CES4A: variants seen among roughly 807,000 people sequenced by gnomAD.
CES4A encodes the protein carboxylesterase 4A.
CES4A carries 48 observed loss-of-function variants against 65.4 expected under a neutral mutation model. The ratio of observed to expected loss-of-function variants is 0.73; its 90% CI spans 0.58 to 0.93. CES4A has a LOEUF of 0.93. Ranked by LOEUF, CES4A falls within the 40% of genes least tolerant of loss-of-function variation. CES4A has a pLI of 0.00. For missense variants in CES4A, 685 were observed against 728.5 expected, an observed-to-expected ratio of 0.94 and a Z score of 0.69; for synonymous variants, 247 against 281.8, an observed-to-expected ratio of 0.88 and a Z score of 1.24.
intron 1 of CES4A, among the ~76,000 whole-genome samples, chr16:66,994,214 A>ATTTT (rs1190514372): frequency 2.3e-5 from 3 of 132,202 alleles, no homozygotes; most frequent in South Asian, 2.3e-4. Context: ...ATAGACATAA[A>ATTTT]TTTTTATTTA....
chr16:66,998,257 C>T (rs550112653), intron 2 of CES4A, among the ~76,000 whole-genome samples: 40 of 152,068 alleles, frequency 2.6e-4, no homozygotes, highest in Admixed American at 5.2e-4. Context: ...ATCAGGAGCA[C>T]GGGGTGTTAC....
At position 67,000,208 on chromosome 16, in the gene CES4A, G is replaced by A. The variant is rs1478588742; in HGVS notation, c.261-430G>A. Among the ~76,000 whole-genome samples, 4 of 152,188 alleles carry A rather than the reference G, an allele frequency of 2.6e-5. No homozygotes were observed. Among genetic ancestry groups the A allele is most frequent in the Non-Finnish European group, 4.4e-5 (3 of 68,036 alleles). On this transcript the variant is annotated intron_variant, in intron 2 of 13. Coordinates refer to ENST00000648724, the Ensembl canonical transcript of CES4A. This position sits in a 1 kb window ranked among gnomAD's most constrained non-coding sequence, Gnocchi z 4.2. Reference sequence around the variant, plus strand: ...GGAGTAGGAGGAGTGTGAAGAGGCTGGGGTACTGTCCAGACCAGAGACGGT... The same window carrying A: ...GGAGTAGGAGGAGTGTGAAGAGGCTAGGGTACTGTCCAGACCAGAGACGGT...
At chr16:67,004,702 G>A in intron 9 of CES4A, 91 bp from the exon 10 acceptor site, 1 of 996,544 alleles carries the variant, frequency 1.0e-6, no homozygotes, top group Non-Finnish European at 1.5e-6. Context: ...ATCATTAGAT[G>A]GGCAAGACCT....
chr16:66,994,080 G>A (rs903954686), intron 1 of CES4A, among the ~76,000 whole-genome samples: 2 of 151,476 alleles, frequency 1.3e-5, no homozygotes, highest in South Asian at 2.1e-4. Flanking sequence ...CAGCCTGGGC[G>A]ACAGAGCAAG....
Position 67,003,981 on chromosome 16 carries a change from C to A in CES4A, c.940-103C>A. Reference sequence around the variant, plus strand: ...ATGCCAGCCCCAGCCTTTTCCCAATCAAAGAACCTAGGCTAGAGCAGCCTC... The same window carrying A: ...ATGCCAGCCCCAGCCTTTTCCCAATAAAAGAACCTAGGCTAGAGCAGCCTC... On this transcript the variant is annotated intron_variant, in intron 8 of 13. Coordinates refer to ENST00000648724, the Ensembl canonical transcript of CES4A. This position sits in a 1 kb window ranked among gnomAD's most constrained non-coding sequence, Gnocchi z 4.2. The A allele has an allele frequency of 8.0e-7, 1 of 1,244,342 alleles. No individual in the cohort carries two copies. The highest frequency in any genetic ancestry group is 1.1e-6 in the Non-Finnish European group (1 of 871,056). The allele number at this position is 1,244,342 out of a possible 1,614,324, so 77.1% of individuals were successfully genotyped here.
chr16:67,006,213 CA>C, intron 11 of CES4A, 177 bp from the exon 12 acceptor site: 1 of 604,620 alleles, frequency 1.7e-6, no homozygotes, highest in Non-Finnish European at 2.9e-6. Context: ...AAAGGTAGAG[CA>C]ACTTGCTTTA....
chr16:67,003,496 C>T lies in CES4A; in HGVS notation c.901-19C>T, dbSNP rs749248597. 5.6e-6 allele frequency: 9 copies of T among 1,612,212 alleles called. No individual in the cohort carries two copies. In the Admixed American group the frequency reaches 8.3e-5, roughly 15 times the overall value. ...GAGGGAGACTTCCTTTAACTCTGAT[C>T]CCTTCCTCTCCCCCATAGAGATTCC... On this transcript the variant is annotated intron_variant, in intron 7 of 13. Coordinates refer to ENST00000648724, the Ensembl canonical transcript of CES4A. The surrounding 1 kb of genome is among the most constrained non-coding windows in gnomAD (Gnocchi z 4.2).
chr16:66,995,490 G>A, intron 1 of CES4A, 138 bp from the exon 2 acceptor site: 1 of 701,812 alleles, frequency 1.4e-6, no homozygotes, highest in Admixed American at 2.4e-5. Flanking sequence ...ATTTGTGGCT[G>A]AGTGGCTGCG....
intron 1 of CES4A, among the ~76,000 whole-genome samples, chr16:66,993,250 T>G (rs1012725851): frequency 1.3e-5 from 2 of 152,252 alleles, no homozygotes; most frequent in Non-Finnish European, 1.5e-5. Flanking sequence ...TAGATAGATT[T>G]GTTGTCACCT....
exon 14 of CES4A, chr16:67,009,403 A>C: frequency 2.5e-6 from 1 of 394,850 alleles, no homozygotes; most frequent in East Asian, 4.0e-5. Flanking sequence ...TCAACACCAC[A>C]CTGTGCTCAG....
At position 67,003,510 on chromosome 16, in the gene CES4A, C is replaced by A; in HGVS notation, c.901-5C>A. On this transcript the variant is annotated splice_polypyrimidine_tract_variant and splice_region_variant and intron_variant, in intron 7 of 13. Transcript: ENST00000648724. This position sits in a 1 kb window ranked among gnomAD's most constrained non-coding sequence, Gnocchi z 4.2. Reference sequence around the variant, plus strand: ...TTAACTCTGATCCCTTCCTCTCCCCCATAGAGATTCCTCCAACTGAACTTC... The same window carrying A: ...TTAACTCTGATCCCTTCCTCTCCCCAATAGAGATTCCTCCAACTGAACTTC... 2 of 1,613,082 alleles carry A rather than the reference C, an allele frequency of 1.2e-6. No homozygotes were observed. The highest frequency in any genetic ancestry group is 1.7e-6 in the Non-Finnish European group (2 of 1,179,046).
chr16:66,997,032 T>G (rs1964907890), intron 2 of CES4A, among the ~76,000 whole-genome samples: 1 of 147,926 alleles, frequency 6.8e-6, no homozygotes, highest in Non-Finnish European at 1.5e-5. Context: ...CTGACTGCAC[T>G]CCAGCCTGAG....
At chr16:67,004,317 C>A in intron 9 of CES4A, 93 bp downstream of exon 9, 1 of 1,427,494 alleles carries the variant, frequency 7.0e-7, no homozygotes, top group Non-Finnish European at 9.7e-7. Flanking sequence ...GTGCTGGGCA[C>A]CAGGTCAGAT....
intron 5 of CES4A, among the ~76,000 whole-genome samples, chr16:67,002,256 C>T (rs750567506): frequency 1.8e-4 from 28 of 152,098 alleles, no homozygotes; most frequent in Non-Finnish European, 3.8e-4. Flanking sequence ...ACCTCCGCCT[C>T]CCGGGTTCAA....
In CES4A at chr16:67,000,604, C is replaced by T. The variant is rs772820963; in HGVS notation, c.261-34C>T. 3.7e-5 allele frequency: 56 copies of T among 1,530,232 alleles called. No individual in the cohort carries two copies. Among genetic ancestry groups the T allele is most frequent in the Admixed American group, 6.2e-5 (3 of 48,054 alleles). The allele number at this position is 1,530,232 out of a possible 1,614,324, so 94.8% of individuals were successfully genotyped here. The stretch of plus-strand genomic sequence containing the variant: ...TGCGGACCCTGGATTGAAACGATCT[C>T]CCCGCGGCCGCCGCCGCTACCTGGT... On this transcript the variant is annotated intron_variant, in intron 2 of 13. Transcript: ENST00000648724. This position sits in a 1 kb window ranked among gnomAD's most constrained non-coding sequence, Gnocchi z 4.2.
intron 9 of CES4A, among the ~76,000 whole-genome samples, chr16:67,004,592 T>C (rs866574220): frequency 2.6e-5 from 4 of 152,148 alleles, no homozygotes; most frequent in Non-Finnish European, 5.9e-5. Context: ...TCAGTACCAC[T>C]TCAGCTCTGG....
intron 1 of CES4A, among the ~76,000 whole-genome samples, chr16:66,989,670 CA>C (rs1473252478): frequency 1.3e-5 from 2 of 151,928 alleles, no homozygotes; most frequent in Admixed American, 1.3e-4. Context: ...CCAGCCTAAC[CA>C]ATATTATTAC....
rs1467633520 is a variant in CES4A, at chr16:67,001,228, TG to T, written c.537-75del. 3 of 1,431,026 alleles carry T rather than the reference TG, an allele frequency of 2.1e-6. No homozygotes were observed. Among genetic ancestry groups the T allele is most frequent in the South Asian group, 1.4e-5 (1 of 73,692 alleles). 88.6% of individuals were successfully genotyped at this position (1,431,026 alleles called of 1,614,324 possible). ...CTTAGAGGGGCAAGGCTGGGCTGGG[TG>T]GGGGAAGCCCAGGAGGGCAGCCCAA... On this transcript the variant is annotated intron_variant, in intron 4 of 13. Transcript: ENST00000648724. This position sits in a 1 kb window ranked among gnomAD's most constrained non-coding sequence, Gnocchi z 4.1.
chr16:67,008,911 G>T (rs943327859), intron 13 of CES4A, 63 bp from the exon 14 acceptor site: 6 of 1,533,898 alleles, frequency 3.9e-6, no homozygotes, highest in East Asian at 2.2e-5. Flanking sequence ...CGAGGGAAGG[G>T]TGAAAGAAAG....
Sources: allele counts gnomAD v4.1 joint callset (sites outside exome capture counted in the v4.1 genomes callset), GRCh38; gene constraint gnomAD v4.1.1; non-coding constraint Gnocchi (gnomAD v3.1); transcripts MANE v1.5; gene names NCBI Gene and HGNC (gene_info 2026-07-23, HGNC 2026-07-21).